Variants in PDCD1LG2 observed in about 807,000 individuals in gnomAD.
PDCD1LG2 encodes B7 dendritic cell molecule.
A neutral mutation model predicts 28.2 loss-of-function variants in PDCD1LG2; 32 were observed. That is an observed-to-expected ratio of 1.13 (90% confidence interval 0.86 to 1.52). The LOEUF (loss-of-function observed/expected upper bound fraction) is 1.52, where lower values mean the gene tolerates loss of function less well. Among genes scored for constraint, PDCD1LG2 ranks in the 40% most tolerant of loss-of-function variants. PDCD1LG2 has a pLI of 0.00. For synonymous variants in PDCD1LG2, 116 were observed against 120.2 expected, an observed-to-expected ratio of 0.97 and a Z score of 0.23; for missense variants, 385 against 323.8, an observed-to-expected ratio of 1.19 and a Z score of -1.45.
In PDCD1LG2 at chr9:5,570,070, C is replaced by A. The variant is rs1017023010; in HGVS notation, c.*111C>A. The stretch of plus-strand genomic sequence containing the variant: ...GCTTGCCATTTGCACTTTTCAAATG[C>A]CTTTGGATGACCCAGCACTTTAATC... On this transcript the variant is annotated 3_prime_UTR_variant, in exon 7 of 7. Coordinates refer to ENST00000397747, the MANE Select transcript of PDCD1LG2 (RefSeq NM_025239.4). 1 of 1,337,462 alleles carries A rather than the reference C, an allele frequency of 7.5e-7. No homozygotes were observed. Among genetic ancestry groups the A allele is most frequent in the Non-Finnish European group, 1.1e-6 (1 of 934,780 alleles). 82.8% of individuals were successfully genotyped at this position (1,337,462 alleles called of 1,614,324 possible).
chr9:5,568,949 G>A (rs748533375), intron 6 of PDCD1LG2, among the ~76,000 whole-genome samples: 1 of 152,174 alleles, frequency 6.6e-6, no homozygotes, highest in Non-Finnish European at 1.5e-5. Context: ...CATGGAGAAG[G>A]TGACTTTTGA....
intron 3 of PDCD1LG2, among the ~76,000 whole-genome samples, chr9:5,545,202 CT>C (rs1342536572): frequency 6.6e-6 from 1 of 152,222 alleles, no homozygotes; most frequent in African/African-American, 2.4e-5. Context: ...TATCCATTTC[CT>C]AAACAAGAAA....
In PDCD1LG2 at chr9:5,517,406, G is replaced by A. The variant is rs575948675; in HGVS notation, c.-14-5127G>A. ...AGACTGCAATGGATGGCGGTTGGTA[G>A]GTCAAAAGCTCCAGATAACATCTCT... On this transcript the variant is annotated intron_variant, in intron 1 of 6. Transcript: ENST00000397747. Among the ~76,000 whole-genome samples, 24 of 152,206 alleles carry A rather than the reference G, an allele frequency of 1.6e-4. No homozygotes were observed. In the South Asian group the frequency reaches 4.6e-3, roughly 29 times the overall value.
chr9:5,521,843 C>T (rs1009440147), intron 1 of PDCD1LG2, among the ~76,000 whole-genome samples: 10 of 152,190 alleles, frequency 6.6e-5, no homozygotes, highest in Admixed American at 5.9e-4. Context: ...TGCTCTGTCC[C>T]TTTCCTCAAC....
intron 3 of PDCD1LG2, among the ~76,000 whole-genome samples, chr9:5,547,924 G>A (rs867954720): frequency 1.7e-4 from 20 of 117,794 alleles, no homozygotes; most frequent in African/African-American, 4.3e-4. Context: ...GGTGACGAGC[G>A]AAACTCTGTC....
intron 1 of PDCD1LG2, among the ~76,000 whole-genome samples, chr9:5,513,816 G>T (rs964788644): frequency 6.6e-6 from 1 of 152,174 alleles, no homozygotes; most frequent in African/African-American, 2.4e-5. Context: ...AGTGAATCCA[G>T]CTAGGTCTAA....
At chr9:5,527,982 C>T (rs914975400) in intron 2 of PDCD1LG2, among the ~76,000 whole-genome samples, 1 of 152,030 alleles carries the variant, frequency 6.6e-6, no homozygotes, top group African/African-American at 2.4e-5. Context: ...GCACCCACCA[C>T]CATGCCCTTC....
intron 4 of PDCD1LG2, among the ~76,000 whole-genome samples, chr9:5,551,651 T>A (rs1164671026): frequency 3.9e-5 from 6 of 152,114 alleles, no homozygotes; most frequent in Non-Finnish European, 2.9e-5. Context: ...ATCCGTAGCA[T>A]CAGAAAAGTC....
intron 2 of PDCD1LG2, among the ~76,000 whole-genome samples, chr9:5,531,561 G>C (rs976826289): frequency 6.6e-6 from 1 of 152,098 alleles, no homozygotes; most frequent in Non-Finnish European, 1.5e-5. Context: ...ATTCTTACAA[G>C]GCAGACAGGA....
intron 5 of PDCD1LG2, among the ~76,000 whole-genome samples, chr9:5,562,347 T>G (rs1816581540): frequency 6.6e-6 from 1 of 152,222 alleles, no homozygotes; most frequent in Non-Finnish European, 1.5e-5. Context: ...ACAACTTGGA[T>G]GGAACTGGAG....
At position 5,525,088 on chromosome 9, in the gene PDCD1LG2, C is replaced by T. The variant is rs1296566349; in HGVS notation, c.55+2487C>T. ...CTTGGCCAGGCGCAGTGGCTCACGC[C>T]TATAATCCCAGCCCTATGGGAGGCC... On this transcript the variant is annotated intron_variant, in intron 2 of 6. Transcript: ENST00000397747. Among the ~76,000 whole-genome samples the T allele has an allele frequency of 1.3e-5, 2 of 152,196 alleles. 1 individual carries two copies. The highest frequency in any genetic ancestry group is 2.9e-5 in the Non-Finnish European group (2 of 68,042).
In PDCD1LG2 at chr9:5,534,971, G is replaced by C. The variant is rs755312693; in HGVS notation, c.282G>C (p.Val94=). Reference sequence around the variant, plus strand: ...CGTTCCACATACCTCAAGTCCAAGTGAGGGACGAAGGACAGTACCAATGCA... The same window carrying C: ...CGTTCCACATACCTCAAGTCCAAGTCAGGGACGAAGGACAGTACCAATGCA... ...KASFHIPQVQ[V]RDEGQYQCII... The change falls in exon 3 of 7, where the codon GTG becomes GTC. Residue 94 remains valine, a synonymous_variant. Transcript: ENST00000397747. 6.2e-7 allele frequency: 1 copy of C among 1,614,148 alleles called. No individual in the cohort carries two copies. Among genetic ancestry groups the C allele is most frequent in the Non-Finnish European group, 8.5e-7 (1 of 1,180,024 alleles).
At chr9:5,551,296 A>G (rs1285024807) in intron 4 of PDCD1LG2, among the ~76,000 whole-genome samples, 3 of 152,210 alleles carry the variant, frequency 2.0e-5, no homozygotes, top group African/African-American at 7.2e-5. Context: ...TTGTCATTGT[A>G]TTTCACAGTT....
chr9:5,527,698 G>A (rs1272001804), intron 2 of PDCD1LG2, among the ~76,000 whole-genome samples: 1 of 152,106 alleles, frequency 6.6e-6, no homozygotes, highest in Non-Finnish European at 1.5e-5. Flanking sequence ...TAGGTCACAT[G>A]GTAAGTGTAT....
intron 2 of PDCD1LG2, among the ~76,000 whole-genome samples, chr9:5,532,263 C>T (rs1002097851): frequency 9.2e-5 from 14 of 152,160 alleles, no homozygotes; most frequent in South Asian, 4.1e-4. Flanking sequence ...GCTGGGCACA[C>T]GTGAACTCCT....
chr9:5,534,997 T>C lies in PDCD1LG2; in HGVS notation c.308T>C (p.Ile103Thr), dbSNP rs1390971969. Residue 103 changes from isoleucine to threonine, a missense_variant, in exon 3 of 7, where the codon ATA (isoleucine) becomes ACA (threonine). Transcript: ENST00000397747. ...QVRDEGQYQC[I>T]IIYGVAWDYK... ...AGGGACGAAGGACAGTACCAATGCA[T>C]AATCATCTATGGGGTCGCCTGGGAC... 2 of 1,614,036 alleles carry C rather than the reference T, an allele frequency of 1.2e-6. No homozygotes were observed. Among genetic ancestry groups the C allele is most frequent in the South Asian group, 1.1e-5 (1 of 91,070 alleles).
chr9:5,570,643 G>T lies in PDCD1LG2; in HGVS notation c.*684G>T, dbSNP rs1314740947. 4 of 217,288 alleles carry T rather than the reference G, an allele frequency of 1.8e-5. No homozygotes were observed. Among genetic ancestry groups the T allele is most frequent in the Admixed American group, 5.9e-5 (1 of 17,002 alleles). 13.5% of individuals were successfully genotyped at this position (217,288 alleles called of 1,614,324 possible). A position where few individuals can be genotyped will look rare whatever the true frequency, so the allele number is the denominator to read the frequency against. On this transcript the variant is annotated 3_prime_UTR_variant, in exon 7 of 7. Transcript: ENST00000397747. Reference sequence around the variant, plus strand: ...TGTAATGGCACCATGTTTAATGGTGGTTTTTTTTTTGAACTACATCTTTCC... The same window carrying T: ...TGTAATGGCACCATGTTTAATGGTGTTTTTTTTTTTGAACTACATCTTTCC...
intron 4 of PDCD1LG2, among the ~76,000 whole-genome samples, chr9:5,555,048 G>A (rs566991253): frequency 6.6e-6 from 1 of 152,306 alleles, no homozygotes; most frequent in Admixed American, 6.5e-5. Flanking sequence ...TGCCTTACTT[G>A]TGAGTTCATG....
At chr9:5,523,993 C>T (rs1435240882) in intron 2 of PDCD1LG2, among the ~76,000 whole-genome samples, 2 of 152,108 alleles carry the variant, frequency 1.3e-5, no homozygotes, top group East Asian at 1.9e-4. Context: ...ATAATCAGCA[C>T]AAGACAATGA....
Sources: allele counts gnomAD v4.1 joint callset (sites outside exome capture counted in the v4.1 genomes callset), GRCh38; gene constraint gnomAD v4.1.1; transcripts MANE v1.5; gene names NCBI Gene and HGNC (gene_info 2026-07-23, HGNC 2026-07-21).